Variants in HS6ST2 observed in about 807,000 individuals in gnomAD.
The protein encoded by HS6ST2 is heparan sulfate 6-O-sulfotransferase 2.
In HS6ST2, 17 loss-of-function variants were observed where a neutral mutation model predicts 33.0. That is an observed-to-expected ratio of 0.52 (90% CI 0.35 to 0.77). HS6ST2 has a LOEUF of 0.77. Among genes scored for constraint, HS6ST2 ranks in the 30% least tolerant of loss-of-function variants. The pLI is 0.01. For missense variants in HS6ST2, 519 were observed against 551.7 expected (o/e 0.94, Z 0.59); for synonymous variants, 248 against 237.1 (o/e 1.05, Z -0.42).
intron 4 of HS6ST2, among the ~76,000 whole-genome samples, chrX:132,649,554 T>A (rs1257806815): frequency 8.9e-6 from 1 of 112,064 alleles, no homozygotes; most frequent in East Asian, 2.8e-4. Flanking sequence ...ATGGGTTATC[T>A]CATTGAAAAA....
chrX:132,705,017 G>A (rs2064177282), intron 3 of HS6ST2, among the ~76,000 whole-genome samples: 2 of 111,690 alleles, frequency 1.8e-5, no homozygotes, highest in South Asian at 7.6e-4. Flanking sequence ...ATTAAGGGTT[G>A]GAGAGGTCAA....
Position 132,628,171 on chromosome X carries a change from C to A in HS6ST2, c.*52G>T. The A allele has an allele frequency of 1.1e-6, 1 of 876,179 alleles. No homozygotes were observed. Among genetic ancestry groups the A allele is most frequent in the Non-Finnish European group, 1.6e-6 (1 of 633,187 alleles). 72.2% of individuals were successfully genotyped at this position (876,179 alleles called of 1,213,427 possible). On this transcript the variant is annotated 3_prime_UTR_variant, in exon 5 of 5. Coordinates refer to ENST00000370833, the MANE Select transcript of HS6ST2 (RefSeq NM_001394073.1). ...GACACTTTCATCTTTTAAGCTATGC[C>A]ATCTTTTCAGTGGCGCTTTGGGAGA...
Position 132,683,991 on chromosome X carries a change from T to G in HS6ST2, c.981-14792A>C, listed in dbSNP as rs188627202. ...GGATAAGAGACTAATTCTCAAAATC[T>G]TAAAGAGCAAGATTACTGAAATTGA... On this transcript the variant is annotated intron_variant, in intron 3 of 4. Coordinates refer to ENST00000370833, the MANE Select transcript of HS6ST2 (RefSeq NM_001394073.1). Among the ~76,000 whole-genome samples, 3 of 110,396 alleles carry G rather than the reference T, an allele frequency of 2.7e-5. No homozygotes were observed. In the East Asian group the frequency reaches 8.5e-4, roughly 31 times the overall value.
At chrX:132,649,087 C>T (rs756192131) in intron 4 of HS6ST2, among the ~76,000 whole-genome samples, 1 of 112,095 alleles carries the variant, frequency 8.9e-6, no homozygotes, top group Non-Finnish European at 1.9e-5. Flanking sequence ...AACAGATTGC[C>T]TCCATAATGT....
chrX:132,869,697 C>T (rs1202734030), intron 2 of HS6ST2, among the ~76,000 whole-genome samples: 2 of 111,638 alleles, frequency 1.8e-5, no homozygotes, highest in African/African-American at 3.3e-5. Context: ...GCAGAAAAGG[C>T]CTTTGATAAA....
chrX:132,952,246 C>T (rs1161613398), intron 2 of HS6ST2, among the ~76,000 whole-genome samples: 1 of 112,009 alleles, frequency 8.9e-6, no homozygotes, highest in Non-Finnish European at 1.9e-5. Flanking sequence ...CTAATTAATA[C>T]TACTGGAATT....
intron 2 of HS6ST2, among the ~76,000 whole-genome samples, chrX:132,888,514 G>A (rs1257502546): frequency 1.8e-5 from 2 of 111,813 alleles, no homozygotes; most frequent in Non-Finnish European, 3.8e-5. Context: ...TGGGGACACA[G>A]CCAAACCATA....
At chrX:132,684,207 A>T (rs1333082596) in intron 3 of HS6ST2, among the ~76,000 whole-genome samples, 1 of 103,910 alleles carries the variant, frequency 9.6e-6, no homozygotes, top group Admixed American at 1.1e-4. Context: ...TCTCCACAGG[A>T]CAGTGTCATA....
Position 132,849,346 on chromosome X carries a change from G to T in HS6ST2, c.947+107462C>A, listed in dbSNP as rs146794449. ...GGCTTTTAAAGAGCCAAAGAAAGAG[G>T]TGTATACAGAAAAAAAATCAAGTGG... On this transcript the variant is annotated intron_variant, in intron 2 of 4. Coordinates refer to ENST00000370833, the MANE Select transcript of HS6ST2 (RefSeq NM_001394073.1). 3.9e-3 allele frequency among the ~76,000 whole-genome samples: 434 copies of T among 111,140 alleles called. 1 individual carries two copies. The highest frequency in any genetic ancestry group is 0.013 in the African/African-American group (388 of 30,623).
intron 2 of HS6ST2, among the ~76,000 whole-genome samples, chrX:132,831,855 G>A (rs942285381): frequency 2.7e-5 from 3 of 111,998 alleles, no homozygotes; most frequent in Admixed American, 1.9e-4. Flanking sequence ...AAAAAGCCTG[G>A]CAATTATGCT....
At chrX:132,820,044 G>A (rs555110103) in intron 2 of HS6ST2, among the ~76,000 whole-genome samples, 3 of 112,124 alleles carry the variant, frequency 2.7e-5, no homozygotes, top group South Asian at 3.7e-4. Context: ...GCTCTGAAGC[G>A]TTTCATTCTA....
In HS6ST2 at chrX:132,874,404, C is replaced by T. The variant is rs1011940470; in HGVS notation, c.947+82404G>A. Among the ~76,000 whole-genome samples the T allele has an allele frequency of 7.2e-5, 8 of 111,263 alleles. No individual in the cohort carries two copies. The South Asian group carries it at 1.5e-3, about 21-fold the overall frequency. On this transcript the variant is annotated intron_variant, in intron 2 of 4. Transcript: ENST00000370833. ...CATCCTGGCCAACATGGTGAAACCC[C>T]GTCTCTACTAAAAATACGAAAATTA...
chrX:132,754,455 C>T (rs971647865), intron 2 of HS6ST2, among the ~76,000 whole-genome samples: 8 of 104,022 alleles, frequency 7.7e-5, no homozygotes, highest in African/African-American at 1.8e-4. Flanking sequence ...CTTGCTCTGT[C>T]GCCCAGGTTG....
intron 2 of HS6ST2, among the ~76,000 whole-genome samples, chrX:132,743,197 A>G (rs777139816): frequency 1.8e-5 from 2 of 112,832 alleles, no homozygotes; most frequent in Non-Finnish European, 3.7e-5. Context: ...TCAAGCTGCA[A>G]TCCAAGGTTT....
At chrX:132,731,140 C>T (rs1430858063) in intron 2 of HS6ST2, among the ~76,000 whole-genome samples, 1 of 112,058 alleles carries the variant, frequency 8.9e-6, no homozygotes, top group Non-Finnish European at 1.9e-5. Context: ...GATATCCTGA[C>T]TCTCATGCTC....
chrX:132,777,954 A>G (rs2064980355), intron 2 of HS6ST2, among the ~76,000 whole-genome samples: 1 of 111,920 alleles, frequency 8.9e-6, no homozygotes, highest in Admixed American at 9.5e-5. Flanking sequence ...CAGAATATAG[A>G]CAATTAATTC....
At chrX:132,635,040 G>A (rs2063543160) in intron 4 of HS6ST2, among the ~76,000 whole-genome samples, 1 of 111,844 alleles carries the variant, frequency 8.9e-6, no homozygotes. Context: ...TTGCTTATGA[G>A]TGTGTTCTGT....
At chrX:132,890,218 G>A (rs1485300131) in intron 2 of HS6ST2, among the ~76,000 whole-genome samples, 1 of 109,520 alleles carries the variant, frequency 9.1e-6, no homozygotes, top group Non-Finnish European at 1.9e-5. Flanking sequence ...ATTATTATTA[G>A]CATCATTATT....
chrX:132,772,417 C>A (rs1485594495), intron 2 of HS6ST2, among the ~76,000 whole-genome samples: 1 of 109,342 alleles, frequency 9.1e-6, no homozygotes, highest in Non-Finnish European at 1.9e-5. Flanking sequence ...ACACATCAAA[C>A]TAAAGATGCA....
Sources: allele counts gnomAD v4.1 joint callset (sites outside exome capture counted in the v4.1 genomes callset), GRCh38; gene constraint gnomAD v4.1.1; transcripts MANE v1.5; gene names NCBI Gene and HGNC (gene_info 2026-07-23, HGNC 2026-07-21).